The following TFEC variants were observed in gnomAD, a reference collection of about 807,000 sequenced individuals.
The protein encoded by TFEC is transcription factor EC, also known as class E basic helix-loop-helix protein 34.
In TFEC, 31 loss-of-function variants were observed where a neutral mutation model predicts 41.6. The observed-to-expected ratio is 0.74, with a 90% CI of 0.56 to 1.01. The LOEUF (loss-of-function observed/expected upper bound fraction) is 1.01, where lower values mean the gene tolerates loss of function less well. Among genes scored for constraint, TFEC ranks in the 50% least tolerant of loss-of-function variants. The pLI is 0.00. For missense variants in TFEC, 402 were observed against 404.1 expected (o/e 0.99, Z 0.04); for synonymous variants, 143 against 140.6 (o/e 1.02, Z -0.12).
chr7:116,119,762 A>T (rs1018905868), intron 1 of TFEC, among the ~76,000 whole-genome samples: 10 of 151,786 alleles, frequency 6.6e-5, no homozygotes, highest in Non-Finnish European at 1.2e-4. Flanking sequence ...TTTAAATCTA[A>T]AGAGTTAATC....
At chr7:116,010,139 A>G (rs1794945233) in intron 1 of TFEC, among the ~76,000 whole-genome samples, 1 of 152,178 alleles carries the variant, frequency 6.6e-6, no homozygotes, top group African/African-American at 2.4e-5. Context: ...GCTAGAGCAG[A>G]AAAATAATGA....
intron 1 of TFEC, among the ~76,000 whole-genome samples, chr7:115,994,404 T>C (rs1794265919): frequency 6.6e-6 from 1 of 152,174 alleles, no homozygotes; most frequent in African/African-American, 2.4e-5. Flanking sequence ...GAAACTACCA[T>C]CAGAGTGAAC....
chr7:116,105,782 C>T (rs117624951), intron 3 of TFEC, among the ~76,000 whole-genome samples: 8 of 152,104 alleles, frequency 5.3e-5, no homozygotes, highest in African/African-American at 1.2e-4. Context: ...CAAAAAGAGA[C>T]AGATTTAACC....
At chr7:116,086,573 C>A (rs1051585942) in intron 3 of TFEC, among the ~76,000 whole-genome samples, 1 of 149,584 alleles carries the variant, frequency 6.7e-6, no homozygotes, top group African/African-American at 2.5e-5. Context: ...TTTATGAGTA[C>A]CCCCCCACTG....
chr7:116,073,413 T>G (rs1009899433), intron 3 of TFEC, among the ~76,000 whole-genome samples: 1 of 151,814 alleles, frequency 6.6e-6, no homozygotes, highest in African/African-American at 2.4e-5. Flanking sequence ...TTTTAATTAA[T>G]GATAAGCAAA....
At chr7:116,011,428 T>C (rs1223892745) in intron 1 of TFEC, among the ~76,000 whole-genome samples, 2 of 152,150 alleles carry the variant, frequency 1.3e-5, no homozygotes, top group Admixed American at 6.6e-5. Context: ...TCCCTGTATA[T>C]AAAATTGTTT....
chr7:116,111,893 A>G (rs1057261914), intron 2 of TFEC: 2 of 493,412 alleles, frequency 4.1e-6, no homozygotes, highest in Non-Finnish European at 5.3e-6. Flanking sequence ...TGTTTATAAG[A>G]TATCATACCA....
intron 3 of TFEC, among the ~76,000 whole-genome samples, chr7:116,046,665 T>C (rs940528751): frequency 1.3e-5 from 2 of 152,240 alleles, no homozygotes; most frequent in African/African-American, 4.8e-5. Context: ...TATAGTGATT[T>C]ACGTGATGCT....
intron 3 of TFEC, among the ~76,000 whole-genome samples, chr7:115,964,262 T>C (rs1792727875): frequency 6.6e-6 from 1 of 151,568 alleles, no homozygotes; most frequent in African/African-American, 2.4e-5. Context: ...ACTTTAAACA[T>C]ACTTCACAAA....
intron 1 of TFEC, among the ~76,000 whole-genome samples, chr7:116,112,324 T>G (rs1257663725): frequency 6.6e-6 from 1 of 152,018 alleles, no homozygotes; most frequent in East Asian, 1.9e-4. Flanking sequence ...GTTCCACTTG[T>G]ATACAGGCAA....
chr7:116,041,688 T>C (rs1484153768), intron 3 of TFEC, among the ~76,000 whole-genome samples: 1 of 152,198 alleles, frequency 6.6e-6, no homozygotes, highest in African/African-American at 2.4e-5. Flanking sequence ...CTCTACTTCA[T>C]TGTCTGATTT....
chr7:116,111,945 T>C (rs1797864725), intron 2 of TFEC: 3 of 936,272 alleles, frequency 3.2e-6, no homozygotes, highest in Non-Finnish European at 3.8e-6. Context: ...AAACTTGTGG[T>C]CTTGCTGAGA....
intron 3 of TFEC, among the ~76,000 whole-genome samples, chr7:116,103,298 C>T (rs189743198): frequency 2.0e-5 from 3 of 152,258 alleles, no homozygotes; most frequent in East Asian, 1.9e-4. Context: ...GTGGAAAGTT[C>T]GTTTTCTCTC....
intron 4 of TFEC, among the ~76,000 whole-genome samples, chr7:115,955,346 T>C (rs1792165559): frequency 6.6e-6 from 1 of 152,084 alleles, no homozygotes; most frequent in African/African-American, 2.4e-5. Flanking sequence ...CAAGGCTAGA[T>C]AATAGGAGAA....
At chr7:116,044,548 A>G (rs1796117929) in intron 3 of TFEC, among the ~76,000 whole-genome samples, 1 of 152,216 alleles carries the variant, frequency 6.6e-6, no homozygotes. Context: ...TTTGACTACT[A>G]TATAAGCAAA....
chr7:115,994,899 T>C (rs1300896209), intron 1 of TFEC, among the ~76,000 whole-genome samples: 2 of 152,110 alleles, frequency 1.3e-5, no homozygotes, highest in African/African-American at 2.4e-5. Flanking sequence ...CATGCACACG[T>C]ATGTTTATTG....
chr7:115,993,102 A>T (rs1794199537), intron 1 of TFEC, among the ~76,000 whole-genome samples: 2 of 152,220 alleles, frequency 1.3e-5, no homozygotes, highest in South Asian at 4.1e-4. Context: ...CCAAAGACAA[A>T]AACCACATGA....
chr7:116,023,155 C>G (rs1795463785), intron 1 of TFEC, among the ~76,000 whole-genome samples: 1 of 151,888 alleles, frequency 6.6e-6, no homozygotes, highest in Non-Finnish European at 1.5e-5. Context: ...TCTATTAGGC[C>G]TCTGAAGTTA....
chr7:115,949,210 A>G (rs1384847226), intron 6 of TFEC, among the ~76,000 whole-genome samples: 1 of 152,156 alleles, frequency 6.6e-6, no homozygotes, highest in Non-Finnish European at 1.5e-5. Flanking sequence ...GCATACAAAG[A>G]AATGGAAGAA....
Sources: allele counts gnomAD v4.1 joint callset (sites outside exome capture counted in the v4.1 genomes callset), GRCh38; gene constraint gnomAD v4.1.1; transcripts MANE v1.5; gene names NCBI Gene and HGNC (gene_info 2026-07-23, HGNC 2026-07-21).